The following BET1 variants were observed in gnomAD, a reference collection of about 807,000 sequenced individuals.
BET1 encodes BET1 homolog.
Under a neutral mutation model 13.9 loss-of-function variants are expected in BET1, and 9 were observed. The ratio of observed to expected loss-of-function variants is 0.65; its 90% confidence interval spans 0.39 to 1.13. BET1 has a LOEUF of 1.13. Among genes scored for constraint, BET1 ranks in the 50% most tolerant of loss-of-function variants. BET1 has a pLI of 0.01. For missense variants in BET1, 127 were observed against 133.6 expected (o/e 0.95, Z 0.24); for synonymous variants, 39 against 47.3 (o/e 0.82, Z 0.72).
intron 5 of BET1, among the ~76,000 whole-genome samples, chr7:93,974,105 A>G (rs1403437243): frequency 1.3e-5 from 2 of 152,004 alleles, no homozygotes; most frequent in African/African-American, 2.4e-5. Context: ...CTCTTTGTCT[A>G]TAATAGAAAA....
exon 7 of BET1, chr7:93,965,369 T>C (rs1221809855): frequency 6.6e-6 from 1 of 152,076 alleles, no homozygotes; most frequent in Non-Finnish European, 1.5e-5. Context: ...TCAAGTGATT[T>C]TAACAGTGGC....
chr7:93,972,895 T>C (rs1472664992), intron 5 of BET1, among the ~76,000 whole-genome samples: 3 of 151,558 alleles, frequency 2.0e-5, no homozygotes, highest in Non-Finnish European at 4.4e-5. Context: ...TGGAGGAAAC[T>C]GTACATTTCA....
At chr7:93,997,465 T>A (rs1795797430) in intron 2 of BET1, among the ~76,000 whole-genome samples, 2 of 152,240 alleles carry the variant, frequency 1.3e-5, no homozygotes, top group African/African-American at 4.8e-5. Context: ...GGGGGGTTTT[T>A]AAAGGCATTT....
Position 93,993,398 on chromosome 7 carries a change from A to G in BET1, c.*832T>C. The G allele has an allele frequency of 1.0e-6, 1 of 981,896 alleles. No homozygotes were observed. The highest frequency in any genetic ancestry group is 1.2e-6 in the Non-Finnish European group (1 of 826,328). The allele number at this position is 981,896 out of a possible 1,614,324, so 60.8% of individuals were successfully genotyped here. A position where few individuals can be genotyped will look rare whatever the true frequency, so the allele number is the denominator to read the frequency against. On this transcript the variant is annotated 3_prime_UTR_variant, in exon 4 of 4. Transcript: ENST00000222547. ...TCCATAAACAAATACACTGGATTAAAGCAATAATACTCTTATCTTCAAGTT... is the reference window on the plus strand; with the variant it reads ...TCCATAAACAAATACACTGGATTAAGGCAATAATACTCTTATCTTCAAGTT...
At chr7:94,002,989 A>G (rs1474862254) in intron 1 of BET1, among the ~76,000 whole-genome samples, 1 of 152,202 alleles carries the variant, frequency 6.6e-6, no homozygotes, top group Non-Finnish European at 1.5e-5. Flanking sequence ...GACACTTTGT[A>G]CTACAATTTA....
At chr7:93,976,429 C>T (rs1227432106) in intron 4 of BET1, among the ~76,000 whole-genome samples, 2 of 151,850 alleles carry the variant, frequency 1.3e-5, no homozygotes, top group African/African-American at 4.8e-5. Flanking sequence ...AAATGAAGTA[C>T]ATGTACTCAC....
Position 93,993,251 on chromosome 7 carries a change from C to T in BET1, c.*979G>A, listed in dbSNP as rs929572808. 9 of 954,398 alleles carry T rather than the reference C, an allele frequency of 9.4e-6. No homozygotes were observed. The highest frequency in any genetic ancestry group is 1.8e-5 in the African/African-American group (1 of 56,454). The allele number at this position is 954,398 out of a possible 1,614,324, so 59.1% of individuals were successfully genotyped here. On this transcript the variant is annotated 3_prime_UTR_variant, in exon 4 of 4. Coordinates refer to ENST00000222547, the MANE Select transcript of BET1 (RefSeq NM_005868.6). ...AAGAGACTTAAAGAAGTAACACAGT[C>T]GACTAATATATTTTATTTAAAAATT...
intron 4 of BET1, among the ~76,000 whole-genome samples, chr7:93,981,750 C>A (rs1795434197): frequency 6.6e-6 from 1 of 152,192 alleles, no homozygotes; most frequent in South Asian, 2.1e-4. Context: ...AGGTAGCATT[C>A]CCGGGCAGCC....
At chr7:93,966,929 T>C (rs1795182398) in intron 6 of BET1, among the ~76,000 whole-genome samples, 1 of 151,896 alleles carries the variant, frequency 6.6e-6, no homozygotes, top group Admixed American at 6.6e-5. Flanking sequence ...CTTATGCTTC[T>C]AAATATACTC....
chr7:94,002,532 A>G (rs1206817353), intron 1 of BET1, among the ~76,000 whole-genome samples: 1 of 151,974 alleles, frequency 6.6e-6, no homozygotes, highest in East Asian at 1.9e-4. Flanking sequence ...GAGAAATTCT[A>G]ATTTTACTGG....
intron 5 of BET1, among the ~76,000 whole-genome samples, chr7:93,974,761 G>A (rs1795310931): frequency 6.6e-6 from 1 of 151,828 alleles, no homozygotes; most frequent in African/African-American, 2.4e-5. Context: ...TGAAATTGTT[G>A]GGTAAAAGTT....
rs1463079850 is a variant in BET1, at chr7:93,996,910, T to C, written c.145-589A>G. 3.3e-5 allele frequency among the ~76,000 whole-genome samples: 5 copies of C among 151,938 alleles called. No individual in the cohort carries two copies. The East Asian group carries it at 9.7e-4, about 29-fold the overall frequency. The stretch of plus-strand genomic sequence containing the variant: ...CCAATTCAAATCTAGACAGAAGTAT[T>C]TAATATTTTCCTAATGAAATGTTAC... On this transcript the variant is annotated intron_variant, in intron 2 of 3. Coordinates refer to ENST00000222547, the MANE Select transcript of BET1 (RefSeq NM_005868.6).
At chr7:93,977,397 T>C (rs1301809615) in intron 4 of BET1, among the ~76,000 whole-genome samples, 1 of 152,136 alleles carries the variant, frequency 6.6e-6, no homozygotes. Context: ...TGTTACAGAA[T>C]GCATTCTAAT....
exon 7 of BET1, chr7:93,965,508 A>G (rs977952539): frequency 6.6e-6 from 1 of 152,058 alleles, no homozygotes; most frequent in Non-Finnish European, 1.5e-5. Flanking sequence ...TTTTGTATTT[A>G]TAAGTATAAT....
intron 5 of BET1, among the ~76,000 whole-genome samples, chr7:93,975,059 A>G (rs1196903072): frequency 6.6e-6 from 1 of 152,044 alleles, no homozygotes; most frequent in Non-Finnish European, 1.5e-5. Flanking sequence ...TGGAAATTCT[A>G]CAAAATAGCT....
intron 6 of BET1, chr7:93,965,807 A>C (rs185424626): frequency 6.6e-6 from 1 of 152,056 alleles, no homozygotes; most frequent in Non-Finnish European, 1.5e-5. Context: ...TCAATAAATA[A>C]TTTTTTCTAA....
In BET1 at chr7:93,986,981, T is replaced by C. The variant is rs191925237; in HGVS notation, c.235+7371A>G. On this transcript the variant is annotated intron_variant and NMD_transcript_variant, in intron 4 of 6. Transcript: ENST00000357520. ...TACACCTCATAGCCTAAGTGTACAG[T>C]AGAACATACCATGTAGGTTTGTGTA... Among the ~76,000 whole-genome samples the C allele has an allele frequency of 1.2e-4, 19 of 152,152 alleles. No homozygotes were observed. The East Asian group carries it at 3.7e-3, about 29-fold the overall frequency.
chr7:93,968,814 C>G, intron 6 of BET1, among the ~76,000 whole-genome samples: 1 of 151,782 alleles, frequency 6.6e-6, no homozygotes, highest in Non-Finnish European at 1.5e-5. Flanking sequence ...CACATACACA[C>G]ATATATACAA....
chr7:93,997,185 A>T (rs551845672), intron 2 of BET1, among the ~76,000 whole-genome samples: 1 of 152,182 alleles, frequency 6.6e-6, no homozygotes, highest in Non-Finnish European at 1.5e-5. Context: ...AAATAGAATC[A>T]TCTACTGAAA....
Sources: gnomAD v4.1 joint callset for allele counts (sites outside exome capture counted in the v4.1 genomes callset) on GRCh38, gnomAD v4.1.1 for gene constraint, MANE v1.5 for transcripts, NCBI Gene and HGNC (gene_info 2026-07-23, HGNC 2026-07-21) for gene names.